Variants in SLC9A3 observed in about 807,000 individuals in gnomAD.
SLC9A3 encodes the protein sodium/hydrogen exchanger 3.
In SLC9A3, 37 loss-of-function variants were observed where a neutral mutation model predicts 86.8. The ratio of observed to expected loss-of-function variants is 0.43; its 90% CI spans 0.33 to 0.56. The LOEUF is 0.56. Among genes scored for constraint, SLC9A3 ranks in the 20% least tolerant of loss-of-function variants. SLC9A3 has a pLI of 0.06. For missense variants in SLC9A3, 1,011 were observed against 1,171.9 expected (o/e 0.86, Z 2.00); for synonymous variants, 581 against 528.3 (o/e 1.10, Z -1.37).
rs1739767938 is a variant in SLC9A3 at position 491,973 on chromosome 5, G to T, written c.310C>A (p.His104Asn). ...VLGGIVWAAD[H>N]IASFTLTPTV... ...GGCGTCAGTGTGAAGGACGCGATGT[G>T]GTCGGCCGCCCAGACGATGCCGCCC... The change falls in exon 2 of 17, where the codon CAC becomes AAC. Residue 104 changes from histidine (H) to asparagine (N), a missense_variant. Physicochemically the swap from His to Asn is moderately conservative, Grantham distance 68 (BLOSUM62 1). Coordinates refer to ENST00000264938, the MANE Select transcript of SLC9A3 (RefSeq NM_004174.4). The surrounding 1 kb of genome is among the most constrained non-coding windows in gnomAD (Gnocchi z 9.2). 1 of 1,606,518 alleles carries T rather than the reference G, an allele frequency of 6.2e-7. No individual in the cohort carries two copies. Among genetic ancestry groups the T allele is most frequent in the African/African-American group, 1.3e-5 (1 of 74,230 alleles).
chr5:471,989 T>C lies in SLC9A3; in HGVS notation c.*1390A>G. ...ATCTGAAACGTGAATAGTTTAATTT[T>C]CCTGAGCAAGGAGCTGCGAGTCTAG... On this transcript the variant is annotated 3_prime_UTR_variant, in exon 17 of 17. Coordinates refer to ENST00000264938, the MANE Select transcript of SLC9A3 (RefSeq NM_004174.4). The C allele has an allele frequency of 2.2e-6, 1 of 456,668 alleles. No homozygotes were observed. Among genetic ancestry groups the C allele is most frequent in the Non-Finnish European group, 4.4e-6 (1 of 226,970 alleles). The allele number at this position is 456,668 out of a possible 1,614,324, so 28.3% of individuals were successfully genotyped here.
At chr5:502,413 T>C (rs1021107431) in intron 1 of SLC9A3, among the ~76,000 whole-genome samples, 10 of 152,206 alleles carry the variant, frequency 6.6e-5, no homozygotes, top group African/African-American at 2.4e-4. Context: ...CTCAGGGCTT[T>C]GCTCAAAGCA....
chr5:521,424 C>T (rs1375900079), intron 1 of SLC9A3, among the ~76,000 whole-genome samples: 2 of 152,218 alleles, frequency 1.3e-5, no homozygotes, highest in Admixed American at 6.5e-5. Flanking sequence ...TCAGGGTACC[C>T]GGACTCTTAT....
At chr5:522,456 T>C (rs2126662742) in intron 1 of SLC9A3, among the ~76,000 whole-genome samples, 1 of 152,340 alleles carries the variant, frequency 6.6e-6, no homozygotes, top group Admixed American at 6.5e-5. Context: ...GGCCCCAGCT[T>C]GTACAGAAAT....
intron 1 of SLC9A3, among the ~76,000 whole-genome samples, chr5:493,725 G>A (rs1411751338): frequency 2.0e-5 from 3 of 152,130 alleles, no homozygotes; most frequent in Non-Finnish European, 2.9e-5. Flanking sequence ...CCCCGGGAGG[G>A]ATCGGGGTTC....
Position 473,328 on chromosome 5 carries a change from G to T in SLC9A3, c.*51C>A. ...TGGGACAGCGGCGGCGGCGGTGGGC[G>T]GACCGTGGCGCGGGGACGAGCGGCC... On this transcript the variant is annotated 3_prime_UTR_variant, in exon 17 of 17. Coordinates refer to ENST00000264938, the MANE Select transcript of SLC9A3 (RefSeq NM_004174.4). 1 of 1,403,820 alleles carries T rather than the reference G, an allele frequency of 7.1e-7. No homozygotes were observed. The highest frequency in any genetic ancestry group is 9.3e-7 in the Non-Finnish European group (1 of 1,074,074). The allele number at this position is 1,403,820 out of a possible 1,614,324, so 87.0% of individuals were successfully genotyped here.
intron 1 of SLC9A3, among the ~76,000 whole-genome samples, chr5:517,351 A>G (rs2126657168): frequency 6.6e-6 from 1 of 151,886 alleles, no homozygotes; most frequent in East Asian, 1.9e-4. Flanking sequence ...TCACCCACCC[A>G]TCCATCAATC....
rs149271506 is a variant in SLC9A3 at position 483,479 on chromosome 5, G to T, written c.936C>A (p.Ile312=). Residue 312 remains isoleucine, a synonymous_variant, in exon 6 of 17, where the codon ATC becomes ATA. Coordinates refer to ENST00000264938, the MANE Select transcript of SLC9A3 (RefSeq NM_004174.4). The part of the protein sequence containing the change: ...EMLSLSAILA[I]TFCGICCQKY... ...TCTGACAGCAGATGCCACAGAAGGT[G>T]ATGCTGCAGGGACAGACGCGCCTCA... is the stretch of plus-strand genomic sequence containing the variant. The T allele has an allele frequency of 6.4e-6, 10 of 1,569,966 alleles. No individual in the cohort carries two copies. The African/African-American group carries it at 1.1e-4, about 17-fold the overall frequency.
At chr5:504,692 C>T (rs1740465612) in intron 1 of SLC9A3, among the ~76,000 whole-genome samples, 1 of 152,214 alleles carries the variant, frequency 6.6e-6, no homozygotes, top group South Asian at 2.1e-4. Context: ...GCACCGGGAC[C>T]TGCACCCCTC....
chr5:481,038 C>A (rs1456475043), intron 9 of SLC9A3, among the ~76,000 whole-genome samples: 1 of 152,136 alleles, frequency 6.6e-6, no homozygotes, highest in Non-Finnish European at 1.5e-5. Context: ...TACAGGCCCA[C>A]GCCACCACCC....
chr5:513,366 C>A (rs554510039), intron 1 of SLC9A3, among the ~76,000 whole-genome samples: 59 of 152,300 alleles, frequency 3.9e-4, no homozygotes, highest in African/African-American at 1.4e-3. Context: ...AATGGCACAG[C>A]CGCTGTGCCG....
At position 496,814 on chromosome 5, in the gene SLC9A3, G is replaced by A. The variant is rs969311725; in HGVS notation, c.212-4743C>T. 6.6e-6 allele frequency among the ~76,000 whole-genome samples: 1 copy of A among 152,110 alleles called. No homozygotes were observed. The highest frequency in any genetic ancestry group is 2.4e-5 in the African/African-American group (1 of 41,410). ...TAATCCCAATACAACAGTTTGGGAG[G>A]CCAAGGCAGGTGGATCCCTTGAGCC... On this transcript the variant is annotated intron_variant, in intron 1 of 16. Transcript: ENST00000264938. The surrounding 1 kb of genome is among the most constrained non-coding windows in gnomAD (Gnocchi z 4.7).
chr5:515,634 C>T (rs1733706888), intron 1 of SLC9A3, among the ~76,000 whole-genome samples: 1 of 151,850 alleles, frequency 6.6e-6, no homozygotes, highest in Non-Finnish European at 1.5e-5. Context: ...ACAGGGTCCC[C>T]TGCTCCTCAG....
intron 1 of SLC9A3, among the ~76,000 whole-genome samples, chr5:495,260 A>G (rs1468852673): frequency 1.3e-5 from 2 of 152,082 alleles, no homozygotes; most frequent in African/African-American, 4.8e-5. Context: ...AGCGATCACC[A>G]CCGTTGTGAA....
rs567313853 is a variant in SLC9A3 at position 470,474 on chromosome 5, A to C, written c.*2905T>G. 3.3e-5 allele frequency: 5 copies of C among 152,468 alleles called. No individual in the cohort carries two copies. The highest frequency in any genetic ancestry group is 1.3e-4 in the Admixed American group (2 of 15,298). 9.4% of individuals were successfully genotyped at this position (152,468 alleles called of 1,614,324 possible). A position where few individuals can be genotyped will look rare whatever the true frequency, so the allele number is the denominator to read the frequency against. ...CGTCTCCTTAAATTCTCATAGGTGG[A>C]TATTTCTCTTTTATAAACAAAGTTT... is the stretch of plus-strand genomic sequence containing the variant. On this transcript the variant is annotated 3_prime_UTR_variant, in exon 17 of 17. Transcript: ENST00000264938.
At chr5:512,904 G>A (rs1177583342) in intron 1 of SLC9A3, among the ~76,000 whole-genome samples, 1 of 152,154 alleles carries the variant, frequency 6.6e-6, no homozygotes, top group African/African-American at 2.4e-5. Flanking sequence ...TATCAATTCT[G>A]ACTCCACGGT....
chr5:483,902 C>T lies in SLC9A3; in HGVS notation c.933-420G>A, dbSNP rs552609253. On this transcript the variant is annotated intron_variant, in intron 5 of 16. Coordinates refer to ENST00000264938, the MANE Select transcript of SLC9A3 (RefSeq NM_004174.4). ...AGCGCCAGCGGAGCGGGCGAGGTGACGGGACACTGCTCTGAAGGTCCCGCG... is the reference window on the plus strand; with the variant it reads ...AGCGCCAGCGGAGCGGGCGAGGTGATGGGACACTGCTCTGAAGGTCCCGCG... 5.8e-4 allele frequency among the ~76,000 whole-genome samples: 88 copies of T among 152,392 alleles called. 3 individuals are homozygous for T. Among genetic ancestry groups the T allele is most frequent in the African/African-American group, 2.0e-3 (84 of 41,602 alleles).
At chr5:520,916 A>G (rs983859597) in intron 1 of SLC9A3, among the ~76,000 whole-genome samples, 1 of 152,186 alleles carries the variant, frequency 6.6e-6, no homozygotes, top group African/African-American at 2.4e-5. Flanking sequence ...AGGGTTCCCA[A>G]CACGGACGGT....
At chr5:482,211 G>T in intron 7 of SLC9A3, 54 bp from the exon 8 acceptor site, 2 of 1,371,672 alleles carry the variant, frequency 1.5e-6, no homozygotes, top group South Asian at 1.2e-5. Flanking sequence ...ACATCCCGCT[G>T]GCCCGGCCAG....
Sources: gnomAD v4.1 joint callset for allele counts (sites outside exome capture counted in the v4.1 genomes callset) on GRCh38, gnomAD v4.1.1 for gene constraint, Gnocchi (gnomAD v3.1) non-coding constraint, MANE v1.5 for transcripts, NCBI Gene and HGNC (gene_info 2026-07-23, HGNC 2026-07-21) for gene names.